Variants in BBOF1 observed in about 807,000 individuals in gnomAD.
The protein encoded by BBOF1 is basal body-orientation factor 1.
Under a neutral mutation model 68.0 loss-of-function variants are expected in BBOF1, and 62 were observed. The observed-to-expected ratio is 0.91, with a 90% CI of 0.74 to 1.13. BBOF1 has a LOEUF of 1.13. BBOF1 is among the 50% of genes most tolerant of loss of function. The pLI, the probability that BBOF1 is intolerant of heterozygous loss-of-function variation, is 0.00. For synonymous variants in BBOF1, 208 were observed against 198.8 expected, an observed-to-expected ratio of 1.05 and a Z score of -0.39; for missense variants, 534 against 600.1, an observed-to-expected ratio of 0.89 and a Z score of 1.15.
At chr14:74,047,821 G>A (rs1428971377) in intron 6 of BBOF1, 109 bp from the exon 7 acceptor site, 3 of 896,804 alleles carry the variant, frequency 3.3e-6, no homozygotes, top group Non-Finnish European at 1.6e-6. Flanking sequence ...TAAATAGGTG[G>A]TAGTCACTAT....
intron 7 of BBOF1, among the ~76,000 whole-genome samples, chr14:74,048,834 T>C (rs1161635978): frequency 6.6e-6 from 1 of 152,114 alleles, no homozygotes; most frequent in Admixed American, 6.6e-5. Context: ...AACAAGGAGA[T>C]GCCATAGTTT....
chr14:74,068,924 T>C (rs983066995), downstream of BBOF1: 5 of 1,614,066 alleles, frequency 3.1e-6, no homozygotes, highest in Admixed American at 1.7e-5. Flanking sequence ...TCCTGCCTTG[T>C]TGGATCCCAC....
At chr14:74,045,588 C>T (rs1001587122) in intron 5 of BBOF1, among the ~76,000 whole-genome samples, 4 of 152,184 alleles carry the variant, frequency 2.6e-5, no homozygotes, top group Non-Finnish European at 2.9e-5. Flanking sequence ...GGATTACAGG[C>T]GTGAGCCACC....
intron 9 of BBOF1, among the ~76,000 whole-genome samples, chr14:74,075,563 G>A (rs1171397214): frequency 1.3e-5 from 2 of 151,970 alleles, no homozygotes; most frequent in African/African-American, 4.8e-5. Context: ...AGGCCAAGGT[G>A]GGAGGATTGC....
chr14:74,060,614 A>T (rs745993452), intron 11 of BBOF1: 5 of 1,459,600 alleles, frequency 3.4e-6, no homozygotes, highest in Non-Finnish European at 4.8e-6. Context: ...ATTACTCAGG[A>T]TGGAGTCAGT....
chr14:74,024,658 G>A (rs1477443592), intron 2 of BBOF1, among the ~76,000 whole-genome samples: 2 of 152,038 alleles, frequency 1.3e-5, no homozygotes, highest in Admixed American at 6.6e-5. Flanking sequence ...TAGAGACAGG[G>A]TTTCGCCATG....
intron 7 of BBOF1, 22 bp downstream of exon 7, chr14:74,048,096 G>A (rs2059990764): frequency 1.3e-6 from 2 of 1,592,242 alleles, no homozygotes; most frequent in East Asian, 2.2e-5. Flanking sequence ...TTTAGACTTG[G>A]TGTCCTTCTT....
intron 2 of BBOF1, among the ~76,000 whole-genome samples, chr14:74,026,401 C>T (rs1343506433): frequency 8.1e-6 from 1 of 123,690 alleles, no homozygotes; most frequent in Admixed American, 1.1e-4. Context: ...AAGATCATGC[C>T]ATTTTGCACT....
At chr14:74,075,666 A>C (rs2060604872) in intron 9 of BBOF1, among the ~76,000 whole-genome samples, 1 of 152,148 alleles carries the variant, frequency 6.6e-6, no homozygotes, top group Non-Finnish European at 1.5e-5. Context: ...CAAAAAAAAA[A>C]ATCAATGTAA....
chr14:74,037,274 CTTTTTTTTT>C (rs892262272), intron 4 of BBOF1, among the ~76,000 whole-genome samples: 1,197 of 66,022 alleles, frequency 0.018, 12 homozygotes, highest in African/African-American at 0.061. Context: ...CGCCTGGCCT[CTTTTTTTTT>C]TTTTTTTTTT....
intron 9 of BBOF1, 138 bp downstream of exon 9, chr14:74,055,823 A>C: frequency 1.7e-6 from 1 of 582,942 alleles, no homozygotes; most frequent in Non-Finnish European, 3.0e-6. Flanking sequence ...CCTACTGCTT[A>C]ACTACTGCAG....
rs751210233 is a variant in BBOF1, at chr14:74,049,987, G to C, written c.1078G>C (p.Glu360Gln). The C allele has an allele frequency of 1.9e-6, 3 of 1,614,132 alleles. No homozygotes were observed. Among genetic ancestry groups the C allele is most frequent in the Admixed American group, 1.7e-5 (1 of 60,010 alleles). Residue 360 changes from glutamate (E) to glutamine (Q), a missense_variant, in exon 8 of 12, where the codon GAA (glutamate) becomes CAA (glutamine). Physicochemically the swap from Glu to Gln is conservative, Grantham distance 29. Coordinates refer to ENST00000394009, the MANE Select transcript of BBOF1 (RefSeq NM_025057.3). ...KNILDERTEV[E>Q]RFFLDALHQV... is the part of the protein sequence containing the mutation. The stretch of plus-strand genomic sequence containing the variant: ...CATACTGGATGAGAGAACAGAAGTG[G>C]AAAGATTCTTTTTAGATGCTCTGCA...
At chr14:74,053,699 A>T (rs1047623711) in intron 8 of BBOF1, among the ~76,000 whole-genome samples, 1 of 147,414 alleles carries the variant, frequency 6.8e-6, no homozygotes, top group East Asian at 2.0e-4. Flanking sequence ...GAGCCACCGC[A>T]CCTGGCCAAA....
At chr14:74,028,513 A>ATAG (rs1191888092) in intron 2 of BBOF1, among the ~76,000 whole-genome samples, 2 of 72,846 alleles carry the variant, frequency 2.7e-5, no homozygotes, top group East Asian at 2.3e-3. Context: ...CACACACACA[A>ATAG]ATAGAGGGAA....
intron 11 of BBOF1, chr14:74,058,227 T>G (rs1009944254): frequency 7.2e-5 from 11 of 152,254 alleles, no homozygotes; most frequent in African/African-American, 2.4e-4. Flanking sequence ...CTCGGGAGAC[T>G]GAGGCAGGAG....
At chr14:74,031,604 G>A (rs2059571425) in intron 3 of BBOF1, among the ~76,000 whole-genome samples, 1 of 152,110 alleles carries the variant, frequency 6.6e-6, no homozygotes, top group African/African-American at 2.4e-5. Context: ...CTTGGTGGAG[G>A]CCATTCTTCT....
chr14:74,069,057 C>T, downstream of BBOF1: 1 of 1,464,986 alleles, frequency 6.8e-7, no homozygotes. Flanking sequence ...CCTTTCCCCA[C>T]TGCTATGGAT....
At chr14:74,024,183 G>A (rs1212195399) in intron 2 of BBOF1, among the ~76,000 whole-genome samples, 2 of 152,256 alleles carry the variant, frequency 1.3e-5, no homozygotes, top group South Asian at 2.1e-4. Context: ...TTCAGGCTGG[G>A]TGTGGTAGCT....
downstream of BBOF1, among the ~76,000 whole-genome samples, chr14:74,070,012 A>AT (rs573551005): frequency 4.0e-5 from 6 of 151,030 alleles, no homozygotes; most frequent in South Asian, 4.2e-4. Context: ...TAATTTTTGT[A>AT]TTTTTTTTGT....
Sources: gnomAD v4.1 joint callset for allele counts (sites outside exome capture counted in the v4.1 genomes callset) on GRCh38, gnomAD v4.1.1 for gene constraint, MANE v1.5 for transcripts, NCBI Gene and HGNC (gene_info 2026-07-23, HGNC 2026-07-21) for gene names.